The following KCNAB1 variants were observed in gnomAD, a reference collection of about 807,000 sequenced individuals.
KCNAB1 encodes voltage-gated potassium channel subunit beta-1.
KCNAB1 carries 35 observed loss-of-function variants against 64.6 expected under a neutral mutation model. The ratio of observed to expected loss-of-function variants is 0.54; its 90% CI spans 0.41 to 0.72. KCNAB1 has a LOEUF of 0.72. KCNAB1 is among the 30% of genes least tolerant of loss of function. The pLI is 0.00. For synonymous variants in KCNAB1, 177 were observed against 183.8 expected, an observed-to-expected ratio of 0.96 and a Z score of 0.30; for missense variants, 401 against 512.9, an observed-to-expected ratio of 0.78 and a Z score of 2.11.
intron 1 of KCNAB1, among the ~76,000 whole-genome samples, chr3:156,261,655 A>C (rs1009088658): frequency 6.6e-6 from 1 of 151,980 alleles, no homozygotes; most frequent in African/African-American, 2.4e-5. Context: ...CTTTGGAGTA[A>C]GTTTTAAAAT....
intron 1 of KCNAB1, among the ~76,000 whole-genome samples, chr3:156,304,238 G>A (rs1456846260): frequency 6.6e-6 from 1 of 152,160 alleles, no homozygotes. Flanking sequence ...CTAATTATCA[G>A]AATGTCTGAA....
At chr3:156,387,014 C>CTCTGTTTTTTTT (rs60888308) in intron 1 of KCNAB1, among the ~76,000 whole-genome samples, 1 of 90,526 alleles carries the variant, frequency 1.1e-5, no homozygotes, top group African/African-American at 5.4e-5. Flanking sequence ...TTCTCTCTCT[C>CTCTGTTTTTTTT]TTTTTTTTTT....
chr3:156,118,603 T>G (rs185873632), upstream of KCNAB1, among the ~76,000 whole-genome samples: 294 of 152,288 alleles, frequency 1.9e-3, no homozygotes, highest in African/African-American at 6.4e-3. Flanking sequence ...ATATGGGAGT[T>G]AAGAAATTTG....
chr3:156,272,445 C>T (rs1450952571), intron 1 of KCNAB1, among the ~76,000 whole-genome samples: 3 of 152,038 alleles, frequency 2.0e-5, no homozygotes, highest in African/African-American at 7.2e-5. Flanking sequence ...CCAACTCTTC[C>T]CTCCCCTTTC....
intron 1 of KCNAB1, among the ~76,000 whole-genome samples, chr3:156,251,657 G>A (rs559401430): frequency 3.4e-4 from 52 of 152,238 alleles, no homozygotes; most frequent in South Asian, 1.5e-3. Context: ...AAGGGATGAT[G>A]TAGAAAGGAG....
chr3:156,312,731 A>AAAAAAAAAAAAC (rs1722007557), intron 1 of KCNAB1, among the ~76,000 whole-genome samples: 8 of 144,524 alleles, frequency 5.5e-5, no homozygotes, highest in African/African-American at 2.2e-4. Flanking sequence ...AAAAAAAAAA[A>AAAAAAAAAAAAC]CTCATAATAA....
At position 156,516,311 on chromosome 3, in the gene KCNAB1, A is replaced by G. The variant is rs746798312; in HGVS notation, c.907A>G (p.Ile303Val). ...ATGGTCTCCACTTGCCTGTGGAATC[A>G]TCTCAGGAAAATACGGAAACGGGGT... ...MTWSPLACGI[I>V]SGKYGNGVPE... The change falls in exon 11 of 14, where the codon ATC (isoleucine) becomes GTC (valine). Residue 303 changes from isoleucine to valine, a missense_variant. By Grantham distance (29) the Ile-to-Val change is conservative. Transcript: ENST00000490337. 26 of 1,614,010 alleles carry G rather than the reference A, an allele frequency of 1.6e-5. No homozygotes were observed. Among genetic ancestry groups the G allele is most frequent in the Non-Finnish European group, 2.2e-5 (26 of 1,179,970 alleles).
chr3:156,458,279 T>A (rs1712605386), intron 4 of KCNAB1, among the ~76,000 whole-genome samples: 1 of 152,198 alleles, frequency 6.6e-6, no homozygotes, highest in African/African-American at 2.4e-5. Context: ...GCCTCAAGGT[T>A]CAGGCCATCC....
At chr3:156,421,504 C>T in intron 1 of KCNAB1, 112 bp from the exon 2 acceptor site, 1 of 1,003,136 alleles carries the variant, frequency 1.0e-6, no homozygotes, top group Non-Finnish European at 1.5e-6. Flanking sequence ...GTGGTTCTGC[C>T]TCTATCAGGA....
chr3:156,173,568 C>T (rs925611022), intron 1 of KCNAB1, among the ~76,000 whole-genome samples: 1 of 152,222 alleles, frequency 6.6e-6, no homozygotes, highest in Non-Finnish European at 1.5e-5. Context: ...GAGTCTCAGT[C>T]AAGCCCCTTA....
chr3:156,283,330 G>T (rs2108506841), intron 1 of KCNAB1, among the ~76,000 whole-genome samples: 1 of 151,432 alleles, frequency 6.6e-6, no homozygotes, highest in African/African-American at 2.5e-5. Flanking sequence ...TCTGCTGAGA[G>T]ATCTGCTGTT....
chr3:156,336,377 A>G (rs1299233669), intron 1 of KCNAB1, among the ~76,000 whole-genome samples: 5 of 151,920 alleles, frequency 3.3e-5, no homozygotes, highest in Non-Finnish European at 2.9e-5. Flanking sequence ...CAAACAAACA[A>G]ACAAAAAAAG....
intron 13 of KCNAB1, among the ~76,000 whole-genome samples, chr3:156,532,818 G>C: frequency 6.6e-6 from 1 of 152,202 alleles, no homozygotes; most frequent in Non-Finnish European, 1.5e-5. Context: ...GGTACACAGT[G>C]ATGAGGGGAC....
intron 1 of KCNAB1, among the ~76,000 whole-genome samples, chr3:156,182,089 A>C (rs762154372): frequency 6.6e-6 from 1 of 152,136 alleles, no homozygotes; most frequent in Non-Finnish European, 1.5e-5. Context: ...AACTTTAATA[A>C]CTTTATAATT....
At chr3:156,513,401 C>T (rs1717350276) in intron 8 of KCNAB1, among the ~76,000 whole-genome samples, 1 of 152,158 alleles carries the variant, frequency 6.6e-6, no homozygotes, top group Admixed American at 6.5e-5. Context: ...GGATTTGGTT[C>T]TTCTGAAGGG....
At chr3:156,360,002 T>C (rs1294373227) in intron 1 of KCNAB1, among the ~76,000 whole-genome samples, 1 of 152,218 alleles carries the variant, frequency 6.6e-6, no homozygotes, top group Non-Finnish European at 1.5e-5. Flanking sequence ...AGCTATACCA[T>C]GGTGTTTGTG....
intron 1 of KCNAB1, among the ~76,000 whole-genome samples, chr3:156,252,733 C>T (rs1021766276): frequency 6.6e-6 from 1 of 152,200 alleles, no homozygotes; most frequent in South Asian, 2.1e-4. Flanking sequence ...CACTCCTCAT[C>T]CTAATCCCCA....
intron 7 of KCNAB1, among the ~76,000 whole-genome samples, chr3:156,465,887 A>G (rs1229216650): frequency 6.6e-6 from 1 of 152,192 alleles, no homozygotes; most frequent in African/African-American, 2.4e-5. Flanking sequence ...AGGAAAAGGC[A>G]AAATTGTATA....
At chr3:156,243,526 C>A (rs537494553) in intron 1 of KCNAB1, among the ~76,000 whole-genome samples, 1 of 152,316 alleles carries the variant, frequency 6.6e-6, no homozygotes, top group African/African-American at 2.4e-5. Flanking sequence ...CCACGCCTGG[C>A]TGGTGTGCTT....
Sources: allele counts gnomAD v4.1 joint callset (sites outside exome capture counted in the v4.1 genomes callset), GRCh38; gene constraint gnomAD v4.1.1; transcripts MANE v1.5; gene names NCBI Gene and HGNC (gene_info 2026-07-23, HGNC 2026-07-21).